The following NTF3 variants were observed in gnomAD, a reference collection of about 807,000 sequenced individuals.
The protein encoded by NTF3 is neurotrophin-3.
In NTF3, 8 loss-of-function variants were observed where a neutral mutation model predicts 26.3. The observed-to-expected ratio is 0.30, with a 90% CI of 0.18 to 0.55. The LOEUF is 0.55. Among genes scored for constraint, NTF3 ranks in the 20% least tolerant of loss-of-function variants. NTF3 has a pLI of 0.93. For missense variants in NTF3, 276 were observed against 352.9 expected (o/e 0.78, Z 1.75); for synonymous variants, 154 against 145.5 (o/e 1.06, Z -0.42).
In NTF3 at chr12:5,495,112, CTACAG is replaced by C; in HGVS notation, c.*127_*131del. 1 of 1,052,798 alleles carries C rather than the reference CTACAG, an allele frequency of 9.5e-7. No individual in the cohort carries two copies. The highest frequency in any genetic ancestry group is 1.7e-5 in the South Asian group (1 of 58,736). The allele number at this position is 1,052,798 out of a possible 1,614,324, so 65.2% of individuals were successfully genotyped here. A position where few individuals can be genotyped will look rare whatever the true frequency, so the allele number is the denominator to read the frequency against. On this transcript the variant is annotated 3_prime_UTR_variant, in exon 2 of 2. Transcript: ENST00000423158. The stretch of plus-strand genomic sequence containing the variant: ...CTTTATTTATTAAACTTCAGCAACC[CTACAG>C]TATATAAGCTTTTTTCTCAATAAAA...
intron 1 of NTF3, among the ~76,000 whole-genome samples, chr12:5,463,468 G>T (rs1940548819): frequency 6.6e-6 from 1 of 152,158 alleles, no homozygotes; most frequent in African/African-American, 2.4e-5. Context: ...CTTCGTGGAG[G>T]AGGTAGCCTT....
intron 1 of NTF3, among the ~76,000 whole-genome samples, chr12:5,446,451 T>C (rs1240310539): frequency 6.6e-6 from 1 of 152,192 alleles, no homozygotes; most frequent in Non-Finnish European, 1.5e-5. Context: ...ATCCCCTCTG[T>C]TCTGTGGGAT....
intron 1 of NTF3, among the ~76,000 whole-genome samples, chr12:5,489,122 A>G (rs1041513297): frequency 2.6e-5 from 4 of 152,176 alleles, no homozygotes; most frequent in South Asian, 2.1e-4. Context: ...TGACCTGCAG[A>G]TGGGCTGCAC....
At chr12:5,453,515 C>T (rs923036774) in intron 1 of NTF3, among the ~76,000 whole-genome samples, 2 of 152,216 alleles carry the variant, frequency 1.3e-5, no homozygotes, top group Non-Finnish European at 2.9e-5. Context: ...AGAACTGGAA[C>T]CTGGTCGGCA....
At chr12:5,450,560 A>T (rs1375729213) in intron 1 of NTF3, among the ~76,000 whole-genome samples, 1 of 152,202 alleles carries the variant, frequency 6.6e-6, no homozygotes, top group East Asian at 1.9e-4. Flanking sequence ...CTGCATTGTC[A>T]CTCAGACAAC....
intron 1 of NTF3, among the ~76,000 whole-genome samples, chr12:5,467,055 C>T (rs1366250513): frequency 6.6e-6 from 1 of 151,866 alleles, no homozygotes; most frequent in Non-Finnish European, 1.5e-5. Flanking sequence ...GATGGTGAAA[C>T]CCCGTCTCTA....
chr12:5,460,394 C>A (rs1940511028), intron 1 of NTF3, among the ~76,000 whole-genome samples: 1 of 152,212 alleles, frequency 6.6e-6, no homozygotes, highest in Admixed American at 6.5e-5. Flanking sequence ...AGTCTTTTGA[C>A]TGCCTAGAGT....
rs1364920696 is a variant in NTF3 at position 5,433,374 on chromosome 12, T to G, written c.18+1032T>G. 6.6e-6 allele frequency: 1 copy of G among 152,284 alleles called. No individual in the cohort carries two copies. The highest frequency in any genetic ancestry group is 1.5e-5 in the Non-Finnish European group (1 of 68,114). The allele number at this position is 152,284 out of a possible 1,614,324, so 9.4% of individuals were successfully genotyped here. On this transcript the variant is annotated intron_variant, in intron 1 of 1. Transcript: ENST00000423158. This position sits in a 1 kb window ranked among gnomAD's most constrained non-coding sequence, Gnocchi z 4.6. ...CCCACGACGGACCGAACTGTCCCAT[T>G]GCCCCAGAGCTTTACTCAGTGGTGG...
rs377122733 is a variant in NTF3 at position 5,433,807 on chromosome 12, G to C, written c.18+1465G>C. 6.6e-6 allele frequency among the ~76,000 whole-genome samples: 1 copy of C among 152,074 alleles called. No homozygotes were observed. Among genetic ancestry groups the C allele is most frequent in the Non-Finnish European group, 1.5e-5 (1 of 67,970 alleles). Reference sequence around the variant, plus strand: ...AGCTAGAGAGCTCGGGAGACTGTGCGCCTGTGGACTTGTTTATGTGTGTGA... The same window carrying C: ...AGCTAGAGAGCTCGGGAGACTGTGCCCCTGTGGACTTGTTTATGTGTGTGA... On this transcript the variant is annotated intron_variant, in intron 1 of 1. Transcript: ENST00000423158. The surrounding 1 kb of genome is among the most constrained non-coding windows in gnomAD (Gnocchi z 4.6).
upstream of NTF3, among the ~76,000 whole-genome samples, chr12:5,431,183 G>A (rs1213224980): frequency 1.3e-5 from 2 of 152,076 alleles, no homozygotes. Context: ...CTTTCGGGGC[G>A]CCACGAACAG....
chr12:5,440,267 G>T (rs185516350), intron 1 of NTF3, among the ~76,000 whole-genome samples: 1 of 152,150 alleles, frequency 6.6e-6, no homozygotes, highest in African/African-American at 2.4e-5. Flanking sequence ...CAAAAATTAT[G>T]TATTTACTTT....
At chr12:5,469,270 A>C (rs951233190) in intron 1 of NTF3, among the ~76,000 whole-genome samples, 1 of 152,224 alleles carries the variant, frequency 6.6e-6, no homozygotes, top group Non-Finnish European at 1.5e-5. Flanking sequence ...TATTCATTGA[A>C]CACTGAAGTC....
At chr12:5,488,750 TGA>T (rs1180393286) in intron 1 of NTF3, among the ~76,000 whole-genome samples, 2 of 152,186 alleles carry the variant, frequency 1.3e-5, no homozygotes, top group African/African-American at 4.8e-5. Flanking sequence ...GGATGTCTCC[TGA>T]GCCTGTAGCA....
intron 1 of NTF3, among the ~76,000 whole-genome samples, chr12:5,441,776 C>T (rs1243633987): frequency 1.3e-5 from 2 of 152,232 alleles, no homozygotes; most frequent in African/African-American, 2.4e-5. Flanking sequence ...CTTGCCAGGG[C>T]TTCAAAACAG....
intron 1 of NTF3, among the ~76,000 whole-genome samples, chr12:5,492,932 G>A (rs557874735): frequency 7.9e-5 from 12 of 152,288 alleles, no homozygotes; most frequent in Non-Finnish European, 1.3e-4. Flanking sequence ...AAGTCTTTCC[G>A]AAAATACCAA....
intron 1 of NTF3, among the ~76,000 whole-genome samples, chr12:5,483,907 A>C (rs780385569): frequency 2.6e-5 from 4 of 152,218 alleles, no homozygotes; most frequent in Admixed American, 6.5e-5. Context: ...GGTGGATGCC[A>C]ATAGATGGTG....
intron 1 of NTF3, among the ~76,000 whole-genome samples, chr12:5,435,686 C>T (rs1163024881): frequency 1.3e-5 from 2 of 152,114 alleles, no homozygotes; most frequent in Non-Finnish European, 1.5e-5. Context: ...TCCTTCATAG[C>T]TGGAATGAGA....
chr12:5,484,658 G>T (rs552180296), intron 1 of NTF3, among the ~76,000 whole-genome samples: 2 of 152,126 alleles, frequency 1.3e-5, no homozygotes, highest in African/African-American at 4.8e-5. Context: ...AGGGGTCTCC[G>T]CAGATGGCAT....
chr12:5,473,678 G>C (rs561118476), intron 1 of NTF3, among the ~76,000 whole-genome samples: 2 of 152,224 alleles, frequency 1.3e-5, no homozygotes, highest in African/African-American at 4.8e-5. Flanking sequence ...TTCTGGGCAA[G>C]TCCCTTACCA....
Sources: gnomAD v4.1 joint callset for allele counts (sites outside exome capture counted in the v4.1 genomes callset) on GRCh38, gnomAD v4.1.1 for gene constraint, Gnocchi (gnomAD v3.1) non-coding constraint, MANE v1.5 for transcripts, NCBI Gene and HGNC (gene_info 2026-07-23, HGNC 2026-07-21) for gene names.